Variants in CFAP54 observed in about 807,000 individuals in gnomAD.
CFAP54 encodes the protein cilia- and flagella-associated protein 54.
CFAP54 carries 290 observed loss-of-function variants against 370.4 expected under a neutral mutation model. The observed-to-expected ratio is 0.78, with a 90% confidence interval of 0.71 to 0.86. The LOEUF (loss-of-function observed/expected upper bound fraction) is 0.86, where lower values mean the gene tolerates loss of function less well. CFAP54 is among the 40% of genes least tolerant of loss of function. The pLI is 0.00. For synonymous variants in CFAP54, 1,206 were observed against 1,236.5 expected, an observed-to-expected ratio of 0.98 and a Z score of 0.52; for missense variants, 3,399 against 3,528.7, an observed-to-expected ratio of 0.96 and a Z score of 0.93.
At chr12:96,816,028 C>T (rs1013255044) in intron 64 of CFAP54, among the ~76,000 whole-genome samples, 6 of 151,998 alleles carry the variant, frequency 3.9e-5, no homozygotes, top group Non-Finnish European at 7.4e-5. Context: ...TTGCTTAGTA[C>T]TGTCTTGGCT....
intron 62 of CFAP54, among the ~76,000 whole-genome samples, 165 bp from the exon 63 acceptor site, chr12:96,792,164 G>A (rs1197052728): frequency 6.6e-6 from 1 of 152,064 alleles, no homozygotes; most frequent in Non-Finnish European, 1.5e-5. Context: ...TATTTTTACT[G>A]TAGGAGAATC....
At chr12:96,718,216 G>A (rs34655314) in intron 48 of CFAP54, among the ~76,000 whole-genome samples, 35,785 of 151,806 alleles carry the variant, frequency 0.24, 4,386 homozygotes, top group South Asian at 0.29. Context: ...AAAATTAGCC[G>A]GGCATGGTGG....
chr12:96,664,781 A>G lies in CFAP54; in HGVS notation c.5563+849A>G, dbSNP rs4617640. On this transcript the variant is annotated intron_variant, in intron 39 of 67. Transcript: ENST00000524981. ...TATATATATCTATATCTATATCTAT[A>G]TATATATATATATATATATATATAT... Among the ~76,000 whole-genome samples the G allele has an allele frequency of 7.7e-5, 2 of 25,928 alleles. 1 individual carries two copies. Among genetic ancestry groups the G allele is most frequent in the Admixed American group, 8.5e-4 (2 of 2,354 alleles). 17.0% of individuals were successfully genotyped at this position (25,928 alleles called of 152,430 possible). A position where few individuals can be genotyped will look rare whatever the true frequency, so the allele number is the denominator to read the frequency against.
intron 66 of CFAP54, among the ~76,000 whole-genome samples, chr12:96,844,570 G>A: frequency 6.6e-6 from 1 of 152,184 alleles, no homozygotes; most frequent in Non-Finnish European, 1.5e-5. Context: ...TGGTAAATTT[G>A]TTACAGCAGC....
At chr12:96,553,537 T>C (rs1565894656) in intron 15 of CFAP54, among the ~76,000 whole-genome samples, 2 of 140,382 alleles carry the variant, frequency 1.4e-5, no homozygotes, top group African/African-American at 5.4e-5. Context: ...GTTATATATA[T>C]ATATAGTAAT....
At chr12:96,749,903 G>C (rs1260898650) in intron 55 of CFAP54, among the ~76,000 whole-genome samples, 1 of 152,276 alleles carries the variant, frequency 6.6e-6, no homozygotes, top group Non-Finnish European at 1.5e-5. Context: ...AATTTCAGTA[G>C]TGGCCATGCT....
intron 9 of CFAP54, 64 bp downstream of exon 9, chr12:96,527,508 A>C: frequency 9.1e-7 from 1 of 1,093,180 alleles, no homozygotes; most frequent in Non-Finnish European, 1.3e-6. Flanking sequence ...AAAAATTTTA[A>C]CATGGTAGTC....
chr12:96,829,205 G>A, intron 66 of CFAP54, 117 bp downstream of exon 66: 1 of 495,970 alleles, frequency 2.0e-6, no homozygotes, highest in Non-Finnish European at 3.4e-6. Context: ...CCTTATTAAT[G>A]TGAAAAAGTG....
At chr12:96,852,623 G>A (rs1592811206) in intron 66 of CFAP54, among the ~76,000 whole-genome samples, 1 of 152,060 alleles carries the variant, frequency 6.6e-6, no homozygotes, top group East Asian at 1.9e-4. Flanking sequence ...TTCATAAATA[G>A]GATGCACTTT....
intron 26 of CFAP54, among the ~76,000 whole-genome samples, chr12:96,609,740 A>C (rs1288984079): frequency 1.3e-5 from 2 of 152,200 alleles, no homozygotes; most frequent in Non-Finnish European, 2.9e-5. Context: ...ACACTTACAA[A>C]ATGATAGGTT....
chr12:96,844,888 G>T (rs746585924), intron 66 of CFAP54, among the ~76,000 whole-genome samples: 1 of 152,110 alleles, frequency 6.6e-6, no homozygotes, highest in Non-Finnish European at 1.5e-5. Flanking sequence ...TCAGTTTCCT[G>T]CTCCTTCCCT....
chr12:96,656,103 T>C (rs1956919844), intron 36 of CFAP54, among the ~76,000 whole-genome samples: 1 of 152,188 alleles, frequency 6.6e-6, no homozygotes. Context: ...GTTAGAACTT[T>C]TCTTTAATAA....
At position 96,489,690 on chromosome 12, in the gene CFAP54, C is replaced by G; in HGVS notation, c.81C>G (p.Thr27=). 6.5e-7 allele frequency: 1 copy of G among 1,535,986 alleles called. No homozygotes were observed. The highest frequency in any genetic ancestry group is 8.7e-7 in the Non-Finnish European group (1 of 1,146,798). Residue 27 remains threonine, a synonymous_variant, in exon 1 of 68, where the codon ACC becomes ACG. Transcript: ENST00000524981. ...TSGSLPELPP[T]STATSRSPPE... is the part of the protein sequence containing the mutation. ...GGTCTCTGCCAGAACTGCCGCCGACCTCCACCGCGACTTCGAGGTCGCCCC... is the reference window on the plus strand; with the variant it reads ...GGTCTCTGCCAGAACTGCCGCCGACGTCCACCGCGACTTCGAGGTCGCCCC...
intron 65 of CFAP54, among the ~76,000 whole-genome samples, chr12:96,825,284 TATATA>T (rs565907784): frequency 0.013 from 1,720 of 128,576 alleles, 41 homozygotes; most frequent in African/African-American, 0.041. Flanking sequence ...TGTTATATTA[TATATA>T]ATATAATATA....
intron 20 of CFAP54, among the ~76,000 whole-genome samples, chr12:96,577,640 GT>G (rs34212241): frequency 2.0e-5 from 3 of 149,046 alleles, no homozygotes; most frequent in East Asian, 2.0e-4. Context: ...CATTTCCTGA[GT>G]TTTTTTTTTC....
chr12:96,684,832 A>G, intron 41 of CFAP54, 97 bp downstream of exon 41: 1 of 1,140,382 alleles, frequency 8.8e-7, no homozygotes, highest in Non-Finnish European at 1.3e-6. Flanking sequence ...CATAAATTTT[A>G]GTTCTTCAAC....
chr12:96,847,474 C>A (rs1959393620), intron 66 of CFAP54, among the ~76,000 whole-genome samples: 1 of 152,126 alleles, frequency 6.6e-6, no homozygotes, highest in Non-Finnish European at 1.5e-5. Context: ...TTAATCACTC[C>A]CCCTACCCCT....
chr12:96,643,995 C>A (rs556354915), intron 32 of CFAP54, among the ~76,000 whole-genome samples, 183 bp from the exon 33 acceptor site: 1 of 152,142 alleles, frequency 6.6e-6, no homozygotes, highest in South Asian at 2.1e-4. Flanking sequence ...TATCCCTGTG[C>A]CTTTTTTTAA....
intron 5 of CFAP54, among the ~76,000 whole-genome samples, chr12:96,513,393 G>A (rs929500685): frequency 1.3e-4 from 20 of 152,132 alleles, no homozygotes; most frequent in African/African-American, 4.6e-4. Flanking sequence ...GGAAAGTCCC[G>A]GTTTATGCCT....
Sources: allele counts gnomAD v4.1 joint callset (sites outside exome capture counted in the v4.1 genomes callset), GRCh38; gene constraint gnomAD v4.1.1; transcripts MANE v1.5; gene names NCBI Gene and HGNC (gene_info 2026-07-23, HGNC 2026-07-21).